The following ADAMTSL1 variants were observed in gnomAD, a reference collection of about 807,000 sequenced individuals.
The protein encoded by ADAMTSL1 is ADAMTS like 1.
A neutral mutation model predicts 201.8 loss-of-function variants in ADAMTSL1; 126 were observed. The ratio of observed to expected loss-of-function variants is 0.62; its 90% confidence interval spans 0.54 to 0.72. The LOEUF (loss-of-function observed/expected upper bound fraction) is 0.72. ADAMTSL1 is among the 30% of genes least tolerant of loss of function. The probability of loss-of-function intolerance (pLI) is 0.00; values close to 1 mark genes in which losing one functional copy is unlikely to be tolerated. For missense variants in ADAMTSL1, 2,679 were observed against 2,277.8 expected, an observed-to-expected ratio of 1.18 and a Z score of -3.59; for synonymous variants, 1,121 against 903.4, an observed-to-expected ratio of 1.24 and a Z score of -4.32.
chr9:18,157,240 C>T lies in ADAMTSL1; in HGVS notation c.88-6622C>T, dbSNP rs141502770. 4.4e-3 allele frequency among the ~76,000 whole-genome samples: 671 copies of T among 152,192 alleles called. 7 individuals carry two copies. The highest frequency in any genetic ancestry group is 0.015 in the African/African-American group (616 of 41,560). Reference sequence around the variant, plus strand: ...TTCCTTTTGCTAGTTTTTCTTTATACACTGCTCTGTGAGAATAAGCTTCTT... The same window carrying T: ...TTCCTTTTGCTAGTTTTTCTTTATATACTGCTCTGTGAGAATAAGCTTCTT... On this transcript the variant is annotated intron_variant, in intron 1 of 29. Coordinates refer to the ADAMTSL1 transcript ENST00000680146.
intron 2 of ADAMTSL1, among the ~76,000 whole-genome samples, chr9:18,283,780 C>A (rs566220759): frequency 6.7e-6 from 1 of 149,266 alleles, no homozygotes; most frequent in East Asian, 2.0e-4. Context: ...GGCATGGTGG[C>A]GGGCGCCTGT....
intron 1 of ADAMTSL1, among the ~76,000 whole-genome samples, chr9:18,478,458 G>T (rs1333553070): frequency 6.6e-6 from 1 of 151,762 alleles, no homozygotes; most frequent in Middle Eastern, 3.4e-3. Flanking sequence ...TAAATGAAGA[G>T]AAAAAATGAC....
At chr9:18,710,512 C>A (rs1008753595) in intron 14 of ADAMTSL1, among the ~76,000 whole-genome samples, 1 of 152,096 alleles carries the variant, frequency 6.6e-6, no homozygotes, top group Non-Finnish European at 1.5e-5. Flanking sequence ...CTTCATCACC[C>A]CATGGGTTAT....
chr9:18,900,090 G>C (rs1481669957), intron 26 of ADAMTSL1, among the ~76,000 whole-genome samples: 1 of 151,938 alleles, frequency 6.6e-6, no homozygotes, highest in Admixed American at 6.6e-5. Flanking sequence ...AAATTTACAA[G>C]AAAATAACTC....
At chr9:18,806,493 A>C (rs1479941049) in intron 20 of ADAMTSL1, among the ~76,000 whole-genome samples, 1 of 152,248 alleles carries the variant, frequency 6.6e-6, no homozygotes, top group Non-Finnish European at 1.5e-5. Flanking sequence ...AGTTTCTATT[A>C]GCAGAGGCCT....
At chr9:18,356,887 C>T (rs1836270447) in intron 2 of ADAMTSL1, among the ~76,000 whole-genome samples, 1 of 152,188 alleles carries the variant, frequency 6.6e-6, no homozygotes, top group Non-Finnish European at 1.5e-5. Context: ...CACATGTAGA[C>T]ATCTGTGCTG....
chr9:18,188,228 G>T (rs1828819693), intron 2 of ADAMTSL1, among the ~76,000 whole-genome samples: 1 of 152,094 alleles, frequency 6.6e-6, no homozygotes, highest in Non-Finnish European at 1.5e-5. Context: ...GGAGTTGATT[G>T]TGTTACTTTT....
chr9:18,776,431 C>G (rs1048350041), intron 18 of ADAMTSL1, among the ~76,000 whole-genome samples: 4 of 152,086 alleles, frequency 2.6e-5, no homozygotes, highest in African/African-American at 9.7e-5. Context: ...AATGCTTTCC[C>G]CCGGGATCCC....
At chr9:18,019,621 G>T (rs1250784192) in intron 1 of ADAMTSL1, among the ~76,000 whole-genome samples, 1 of 152,066 alleles carries the variant, frequency 6.6e-6, no homozygotes, top group African/African-American at 2.4e-5. Context: ...GACTTACCTG[G>T]AAGAATTTGT....
At chr9:18,080,698 A>AT (rs979765091) in intron 1 of ADAMTSL1, among the ~76,000 whole-genome samples, 1 of 152,206 alleles carries the variant, frequency 6.6e-6, no homozygotes. Flanking sequence ...TATTTTCTCC[A>AT]TTTTACATTT....
chr9:18,346,337 C>G (rs1835714193), intron 2 of ADAMTSL1, among the ~76,000 whole-genome samples: 1 of 152,086 alleles, frequency 6.6e-6, no homozygotes, highest in South Asian at 2.1e-4. Context: ...CAGTGCCTTT[C>G]TCAGAGCAGG....
chr9:18,336,067 C>T (rs1011766650), intron 2 of ADAMTSL1, among the ~76,000 whole-genome samples: 1 of 152,080 alleles, frequency 6.6e-6, no homozygotes, highest in Non-Finnish European at 1.5e-5. Context: ...TATTTCATTG[C>T]ACATAGCATA....
intron 1 of ADAMTSL1, among the ~76,000 whole-genome samples, chr9:18,054,521 C>T (rs1822084523): frequency 2.0e-5 from 3 of 152,292 alleles, no homozygotes; most frequent in South Asian, 2.1e-4. Context: ...GTGGTACTAA[C>T]ATTTATTTAA....
intron 5 of ADAMTSL1, among the ~76,000 whole-genome samples, chr9:18,623,907 C>G (rs1461742967): frequency 6.6e-6 from 1 of 152,090 alleles, no homozygotes; most frequent in African/African-American, 2.4e-5. Context: ...TGCTGACTAG[C>G]TGGAGGAAAA....
intron 15 of ADAMTSL1, among the ~76,000 whole-genome samples, chr9:18,734,214 T>C (rs552915443): frequency 3.2e-4 from 48 of 152,204 alleles, no homozygotes; most frequent in Non-Finnish European, 5.0e-4. Context: ...CTATGAATGG[T>C]AATAGAGATT....
At chr9:17,920,382 A>G (rs1263040253) in intron 1 of ADAMTSL1, among the ~76,000 whole-genome samples, 5 of 152,166 alleles carry the variant, frequency 3.3e-5, no homozygotes, top group Admixed American at 1.3e-4. Context: ...GAACTGGCCT[A>G]TTTCATAGAT....
At chr9:17,941,151 T>C (rs1827224001) in intron 1 of ADAMTSL1, among the ~76,000 whole-genome samples, 2 of 152,212 alleles carry the variant, frequency 1.3e-5, no homozygotes, top group African/African-American at 4.8e-5. Context: ...TTTGTCTGTA[T>C]TGTAAAAGAG....
intron 23 of ADAMTSL1, among the ~76,000 whole-genome samples, chr9:18,880,869 CTT>C (rs1165044405): frequency 6.6e-6 from 1 of 152,230 alleles, no homozygotes; most frequent in Non-Finnish European, 1.5e-5. Flanking sequence ...CTGAAAATCT[CTT>C]GTGTTTAACA....
At chr9:17,955,413 T>C (rs1039304927) in intron 1 of ADAMTSL1, among the ~76,000 whole-genome samples, 1 of 152,222 alleles carries the variant, frequency 6.6e-6, no homozygotes, top group African/African-American at 2.4e-5. Flanking sequence ...AATCTTACAA[T>C]TTGAAATTCT....
Sources: gnomAD v4.1 joint callset for allele counts (sites outside exome capture counted in the v4.1 genomes callset) on GRCh38, gnomAD v4.1.1 for gene constraint, MANE v1.5 for transcripts, NCBI Gene and HGNC (gene_info 2026-07-23, HGNC 2026-07-21) for gene names.